The following KAT6B variants were observed in gnomAD, a reference collection of about 807,000 sequenced individuals.
KAT6B encodes the protein histone acetyltransferase KAT6B.
A neutral mutation model predicts 187.5 loss-of-function variants in KAT6B; 10 were observed. The ratio of observed to expected loss-of-function variants is 0.05; its 90% CI spans 0.03 to 0.09. The LOEUF is 0.09. KAT6B is among the 10% of genes least tolerant of loss of function. KAT6B has a pLI of 1.00. For missense variants in KAT6B, 1,952 were observed against 2,558.9 expected (o/e 0.76, Z 5.12); for synonymous variants, 861 against 926.8 (o/e 0.93, Z 1.29).
chr10:74,973,300 A>G (rs748344464), intron 7 of KAT6B, among the ~76,000 whole-genome samples: 13 of 152,246 alleles, frequency 8.5e-5, no homozygotes, highest in Non-Finnish European at 1.6e-4. Context: ...CCAGTAGAGC[A>G]TTTAGCAGGA....
intron 3 of KAT6B, among the ~76,000 whole-genome samples, chr10:74,861,739 T>G (rs1843204513): frequency 6.6e-6 from 1 of 152,230 alleles, no homozygotes; most frequent in Non-Finnish European, 1.5e-5. Context: ...ACATGAGCCT[T>G]TAAGTGCCTT....
chr10:74,957,061 T>C (rs1840740807), intron 3 of KAT6B, among the ~76,000 whole-genome samples: 1 of 152,232 alleles, frequency 6.6e-6, no homozygotes, highest in Non-Finnish European at 1.5e-5. Context: ...CTCAGACCTT[T>C]TTCTGACTGG....
chr10:74,939,050 A>AACACAC (rs112617639), intron 3 of KAT6B, among the ~76,000 whole-genome samples: 3,598 of 145,760 alleles, frequency 0.025, 98 homozygotes, highest in African/African-American at 0.068. Context: ...TTATTTTCTT[A>AACACAC]ACACACACAC....
intron 4 of KAT6B, among the ~76,000 whole-genome samples, chr10:74,961,897 G>A (rs1841120799): frequency 6.6e-6 from 1 of 152,148 alleles, no homozygotes; most frequent in Non-Finnish European, 1.5e-5. Flanking sequence ...CTGTCCAGAG[G>A]GTTTATGTGG....
At chr10:74,945,749 G>A (rs1046666268) in intron 3 of KAT6B, among the ~76,000 whole-genome samples, 1 of 151,960 alleles carries the variant, frequency 6.6e-6, no homozygotes, top group Non-Finnish European at 1.5e-5. Flanking sequence ...TGTGCCCGCC[G>A]GCCTGCCCAA....
intron 17 of KAT6B, among the ~76,000 whole-genome samples, chr10:75,027,504 T>A (rs1277415131): frequency 6.6e-6 from 1 of 152,126 alleles, no homozygotes. Flanking sequence ...GCTTTTCCTT[T>A]AAATTGACCA....
chr10:75,018,079 G>A (rs1387857438), intron 13 of KAT6B, among the ~76,000 whole-genome samples: 3 of 152,178 alleles, frequency 2.0e-5, no homozygotes, highest in Non-Finnish European at 4.4e-5. Flanking sequence ...TGCAGTGTCG[G>A]TGCACGTCAT....
intron 13 of KAT6B, among the ~76,000 whole-genome samples, chr10:75,003,753 C>T (rs1377038854): frequency 6.6e-6 from 1 of 152,024 alleles, no homozygotes; most frequent in African/African-American, 2.4e-5. Context: ...CTAAAGATAA[C>T]ATCAAGGTTG....
chr10:75,025,713 A>G (rs544014263), intron 17 of KAT6B: 1 of 194,850 alleles, frequency 5.1e-6, no homozygotes, highest in East Asian at 1.3e-4. Context: ...GTGTCGTAGT[A>G]TATACTACTA....
chr10:74,980,151 C>G (rs546195465), intron 10 of KAT6B, among the ~76,000 whole-genome samples: 15 of 152,198 alleles, frequency 9.9e-5, no homozygotes, highest in African/African-American at 3.6e-4. Flanking sequence ...AGACCAAGAT[C>G]CCATCTCAAA....
At chr10:74,994,267 T>C (rs534081215) in intron 13 of KAT6B, among the ~76,000 whole-genome samples, 1 of 152,342 alleles carries the variant, frequency 6.6e-6, no homozygotes, top group East Asian at 1.9e-4. Flanking sequence ...CCATGATTGA[T>C]TTTGATGTTC....
chr10:74,978,676 T>C (rs932701913), intron 9 of KAT6B, among the ~76,000 whole-genome samples: 3 of 152,216 alleles, frequency 2.0e-5, no homozygotes, highest in Non-Finnish European at 4.4e-5. Context: ...GGCAGAGTTC[T>C]TAACCTCGTG....
chr10:74,969,742 A>G lies in KAT6B; in HGVS notation c.813A>G (p.Thr271=). 5.6e-6 allele frequency: 9 copies of G among 1,613,930 alleles called. No individual in the cohort carries two copies. The highest frequency in any genetic ancestry group is 7.6e-6 in the Non-Finnish European group (9 of 1,179,760). ...GGTGGCAGTGCATCGAATGCAAGAC[A>G]TGCAGTGCCTGTAGAGTCCAAGGCA... is the stretch of plus-strand genomic sequence containing the variant. ...ALRWQCIECK[T]CSACRVQGRN... The change falls in exon 5 of 18, where the codon ACA becomes ACG. Residue 271 remains threonine (T), a synonymous_variant. Transcript: ENST00000287239.
In KAT6B at chr10:75,029,740, C is replaced by T; in HGVS notation, c.4916C>T (p.Pro1639Leu). The change falls in exon 18 of 18, where the codon CCA becomes CTA. Residue 1639 changes from proline to leucine, a missense_variant. Around this residue, in one of 9 missense-constraint regions of KAT6B, gnomAD observed 87 missense variants for 167.5 expected, o/e 0.52. Coordinates refer to ENST00000287239, the MANE Select transcript of KAT6B (RefSeq NM_012330.4). The surrounding 1 kb of genome is among the most constrained non-coding windows in gnomAD (Gnocchi z 6.2). The stretch of plus-strand genomic sequence containing the variant: ...CCAGATCAAAGTGCCATCTCAGTGC[C>T]ATCTCTGCAGAACATGGAAACCAGT... ...ISPDQSAISV[P>L]SLQNMETSPM... The T allele has an allele frequency of 6.2e-7, 1 of 1,614,204 alleles. No individual in the cohort carries two copies. The highest frequency in any genetic ancestry group is 8.5e-7 in the Non-Finnish European group (1 of 1,180,040).
intron 13 of KAT6B, among the ~76,000 whole-genome samples, chr10:75,009,649 T>C (rs1324303717): frequency 3.9e-5 from 6 of 152,208 alleles, no homozygotes; most frequent in Non-Finnish European, 7.3e-5. Flanking sequence ...CATATGTGTT[T>C]GTTTTTCTAA....
At chr10:74,985,012 T>C (rs1285674090) in intron 11 of KAT6B, 68 bp from the exon 12 acceptor site, 2 of 1,386,622 alleles carry the variant, frequency 1.4e-6, no homozygotes, top group Admixed American at 3.5e-5. Context: ...AAATACCATA[T>C]AGAAGAAACA....
chr10:74,855,030 A>C (rs1385317511), intron 3 of KAT6B, among the ~76,000 whole-genome samples: 1 of 152,108 alleles, frequency 6.6e-6, no homozygotes, highest in African/African-American at 2.4e-5. Flanking sequence ...TACACTTCTC[A>C]CCCTGCTTTT....
intron 3 of KAT6B, among the ~76,000 whole-genome samples, chr10:74,952,842 GC>G (rs1406513449): frequency 7.2e-6 from 1 of 138,590 alleles, no homozygotes; most frequent in Non-Finnish European, 1.5e-5. Context: ...ACCATGCCTG[GC>G]TAATTTTTTT....
chr10:75,014,928 C>T (rs187667113), intron 13 of KAT6B, among the ~76,000 whole-genome samples: 23 of 152,318 alleles, frequency 1.5e-4, no homozygotes, highest in Admixed American at 1.5e-3. Flanking sequence ...CCTACTGTCT[C>T]TTAAGTGGCC....
Sources: allele counts gnomAD v4.1 joint callset (sites outside exome capture counted in the v4.1 genomes callset), GRCh38; gene constraint gnomAD v4.1.1; regional missense constraint gnomAD v4.1.1; non-coding constraint Gnocchi (gnomAD v3.1); transcripts MANE v1.5; gene names NCBI Gene and HGNC (gene_info 2026-07-23, HGNC 2026-07-21).